Variants in XKR4 observed in about 807,000 individuals in gnomAD.
XKR4 encodes the protein XK related 4, also known as XK-related protein 4.
Under a neutral mutation model 53.9 loss-of-function variants are expected in XKR4, and 12 were observed. The observed-to-expected ratio is 0.22, with a 90% CI of 0.14 to 0.36. The LOEUF is 0.36. XKR4 is among the 10% of genes least tolerant of loss of function. The probability of loss-of-function intolerance (pLI) is 1.00; values close to 1 mark genes in which losing one functional copy is unlikely to be tolerated. For synonymous variants in XKR4, 354 were observed against 362.4 expected (o/e 0.98, Z 0.26); for missense variants, 799 against 859.5 (o/e 0.93, Z 0.88).
chr8:55,141,530 G>C (rs1011540845), intron 1 of XKR4, among the ~76,000 whole-genome samples: 2 of 152,046 alleles, frequency 1.3e-5, no homozygotes, highest in Non-Finnish European at 2.9e-5. Flanking sequence ...AGAGAAGAGT[G>C]GGGGAAGGCC....
At chr8:55,424,155 C>T (rs1804975805) in intron 2 of XKR4, among the ~76,000 whole-genome samples, 1 of 152,172 alleles carries the variant, frequency 6.6e-6, no homozygotes, top group Admixed American at 6.5e-5. Flanking sequence ...CCCTGTACCC[C>T]AGGAATCAGT....
At chr8:55,180,343 GA>G (rs1224204779) in intron 1 of XKR4, among the ~76,000 whole-genome samples, 1 of 152,096 alleles carries the variant, frequency 6.6e-6, no homozygotes, top group Non-Finnish European at 1.5e-5. Context: ...CTTCGTCAAG[GA>G]AAATGAATAT....
At chr8:55,454,288 C>T in intron 2 of XKR4, 1 of 1,419,098 alleles carries the variant, frequency 7.0e-7, no homozygotes. Context: ...GGGTCTCTGC[C>T]TGGAAGGCCG....
At chr8:55,213,771 G>A (rs888850439) in intron 1 of XKR4, among the ~76,000 whole-genome samples, 4 of 150,878 alleles carry the variant, frequency 2.7e-5, no homozygotes, top group East Asian at 2.0e-4. Flanking sequence ...TTTCACTATC[G>A]TAATTTTCTG....
chr8:55,461,834 C>A (rs1319418469), intron 2 of XKR4, among the ~76,000 whole-genome samples: 3 of 152,176 alleles, frequency 2.0e-5, no homozygotes, highest in Non-Finnish European at 4.4e-5. Flanking sequence ...AATGCACAAG[C>A]CTCAGTAACT....
chr8:55,304,665 A>G (rs1819264264), intron 1 of XKR4, among the ~76,000 whole-genome samples: 2 of 152,284 alleles, frequency 1.3e-5, no homozygotes, highest in South Asian at 2.1e-4. Flanking sequence ...GACTTGCTTT[A>G]TGAATCTTGG....
chr8:55,486,479 T>G (rs565880003), intron 2 of XKR4, among the ~76,000 whole-genome samples: 1 of 152,360 alleles, frequency 6.6e-6, no homozygotes, highest in East Asian at 1.9e-4. Flanking sequence ...TGAAACAAAT[T>G]AGAACTCTCT....
At chr8:55,148,607 G>A (rs1325301137) in intron 1 of XKR4, among the ~76,000 whole-genome samples, 1 of 151,920 alleles carries the variant, frequency 6.6e-6, no homozygotes, top group Non-Finnish European at 1.5e-5. Flanking sequence ...TTAAATTCTG[G>A]CCTCTTTATT....
chr8:55,340,197 T>C (rs957927261), intron 1 of XKR4, among the ~76,000 whole-genome samples: 4 of 152,194 alleles, frequency 2.6e-5, no homozygotes, highest in African/African-American at 9.7e-5. Flanking sequence ...AAAGAAATGG[T>C]TTAAAGTCCT....
At chr8:55,259,287 G>A (rs1818483450) in intron 1 of XKR4, among the ~76,000 whole-genome samples, 1 of 152,194 alleles carries the variant, frequency 6.6e-6, no homozygotes, top group South Asian at 2.1e-4. Context: ...TTGTGAAATG[G>A]TGGTGAAATT....
intron 1 of XKR4, among the ~76,000 whole-genome samples, chr8:55,209,080 G>C (rs531931132): frequency 1.6e-4 from 25 of 152,270 alleles, no homozygotes; most frequent in African/African-American, 4.8e-4. Context: ...TAGGCAACCA[G>C]GTTTGCGCTG....
chr8:55,272,293 G>A lies in XKR4; in HGVS notation c.807-85385G>A, dbSNP rs1024811132. On this transcript the variant is annotated intron_variant, in intron 1 of 2. Transcript: ENST00000327381. ...AAAAAATAAAATTCAGAGTAAGCTG[G>A]TAACTCAACATTAACAAGCAATTGG... 2.6e-5 allele frequency among the ~76,000 whole-genome samples: 4 copies of A among 152,294 alleles called. No individual in the cohort carries two copies. The South Asian group carries it at 6.2e-4, about 24-fold the overall frequency.
At chr8:55,434,618 T>G (rs1423014602) in intron 2 of XKR4, among the ~76,000 whole-genome samples, 1 of 152,210 alleles carries the variant, frequency 6.6e-6, no homozygotes, top group Admixed American at 6.5e-5. Context: ...GTTTTATCAT[T>G]ATTATTTATC....
chr8:55,454,382 T>C, intron 2 of XKR4: 1 of 1,477,294 alleles, frequency 6.8e-7, no homozygotes, highest in East Asian at 2.3e-5. Flanking sequence ...GGTGAAGCTG[T>C]ATCTGAGAGG....
chr8:55,461,695 C>T (rs2939649), intron 2 of XKR4, among the ~76,000 whole-genome samples: 61,312 of 151,960 alleles, frequency 0.4, 13,102 homozygotes, highest in East Asian at 0.53. Context: ...GGAGGAAGTT[C>T]GAACAAATGG....
Position 55,102,484 on chromosome 8 carries a change from G to A in XKR4, c.-5G>A, listed in dbSNP as rs530031789. On this transcript the variant is annotated 5_prime_UTR_variant, in exon 1 of 3. Transcript: ENST00000327381. The surrounding 1 kb of genome is among the most constrained non-coding windows in gnomAD (Gnocchi z 5.1). ...AGGAGGGCTCTCCTCCGGTGTGGAG[G>A]CATCATGGCCGCTAAATCAGACGGG... 68 of 1,547,326 alleles carry A rather than the reference G, an allele frequency of 4.4e-5. No individual in the cohort carries two copies. The South Asian group carries it at 7.5e-4, about 17-fold the overall frequency.
At chr8:55,339,778 G>T (rs1052971484) in intron 1 of XKR4, among the ~76,000 whole-genome samples, 4 of 152,250 alleles carry the variant, frequency 2.6e-5, no homozygotes, top group South Asian at 4.1e-4. Context: ...TATTTAATAT[G>T]TCATCATGAA....
chr8:55,138,890 G>A (rs1173965189), intron 1 of XKR4, among the ~76,000 whole-genome samples: 3 of 152,230 alleles, frequency 2.0e-5, no homozygotes, highest in African/African-American at 7.2e-5. Context: ...GCAGGGATGA[G>A]AGAAGATAAC....
chr8:55,386,833 G>A (rs1804325135), intron 2 of XKR4, among the ~76,000 whole-genome samples: 2 of 152,116 alleles, frequency 1.3e-5, no homozygotes, highest in Non-Finnish European at 1.5e-5. Context: ...TTTCATCTAG[G>A]AAGAAACTTC....
Sources: allele counts gnomAD v4.1 joint callset (sites outside exome capture counted in the v4.1 genomes callset), GRCh38; gene constraint gnomAD v4.1.1; non-coding constraint Gnocchi (gnomAD v3.1); transcripts MANE v1.5; gene names NCBI Gene and HGNC (gene_info 2026-07-23, HGNC 2026-07-21).